Variants in EDDM13 observed in about 807,000 individuals in gnomAD.
EDDM13 encodes the protein epididymal protein 13.
A neutral mutation model predicts 17.8 loss-of-function variants in EDDM13; 24 were observed. The observed-to-expected ratio is 1.35, with a 90% confidence interval of 0.98 to 1.90. The LOEUF is 1.90. Ranked by LOEUF, EDDM13 falls within the 40% of genes most tolerant of loss-of-function variation. The pLI, the probability that EDDM13 is intolerant of heterozygous loss-of-function variation, is 0.00. For synonymous variants in EDDM13, 31 were observed against 37.5 expected (o/e 0.83, Z 0.63); for missense variants, 97 against 100.8 (o/e 0.96, Z 0.16).
intron 7 of EDDM13, among the ~76,000 whole-genome samples, 139 bp from the exon 8 acceptor site, chr19:56,288,735 T>C (rs867281251): frequency 1.2e-4 from 18 of 152,308 alleles, no homozygotes; most frequent in African/African-American, 4.3e-4. Context: ...TCATCTCCAG[T>C]AGCATTTCCA....
At chr19:56,304,335 G>C (rs1366751554) in intron 13 of EDDM13, among the ~76,000 whole-genome samples, 1 of 152,234 alleles carries the variant, frequency 6.6e-6, no homozygotes, top group Non-Finnish European at 1.5e-5. Flanking sequence ...TAGTGGTTCT[G>C]AAACGGGGGT....
chr19:56,297,476 C>A, intron 11 of EDDM13, 29 bp from the exon 12 acceptor site: 1 of 973,806 alleles, frequency 1.0e-6, no homozygotes, highest in Non-Finnish European at 1.2e-6. Flanking sequence ...CTTCCTGCTT[C>A]TTTTTCTCCT....
chr19:56,294,652 T>C (rs918170332), intron 9 of EDDM13, among the ~76,000 whole-genome samples: 2 of 152,158 alleles, frequency 1.3e-5, no homozygotes, highest in Non-Finnish European at 2.9e-5. Flanking sequence ...AATAAAACTT[T>C]ATTTACAAAA....
At chr19:56,302,537 TCCTCCCCGTTCCTCCCTC>T (rs1411515761) in intron 13 of EDDM13, among the ~76,000 whole-genome samples, 4 of 49,280 alleles carry the variant, frequency 8.1e-5, no homozygotes, top group Non-Finnish European at 1.8e-4. Context: ...TCCCTCTTCT[TCCTCCCCGTTCCTCCCTC>T]CCTCCCCCCT....
intron 9 of EDDM13, among the ~76,000 whole-genome samples, chr19:56,291,271 C>A (rs182479518): frequency 2.0e-5 from 3 of 152,290 alleles, no homozygotes; most frequent in African/African-American, 7.2e-5. Context: ...TGAGAGAGAA[C>A]CCTGGAGACT....
intron 2 of EDDM13, among the ~76,000 whole-genome samples, chr19:56,278,568 A>G (rs1211737338): frequency 2.0e-5 from 3 of 152,236 alleles, no homozygotes; most frequent in African/African-American, 7.2e-5. Context: ...ATACATATAG[A>G]TACATATATA....
intron 9 of EDDM13, among the ~76,000 whole-genome samples, chr19:56,293,717 G>A (rs563036954): frequency 3.3e-5 from 5 of 152,296 alleles, no homozygotes; most frequent in Middle Eastern, 3.4e-3. Flanking sequence ...CCCCTCAGGG[G>A]ACACCTGGCA....
chr19:56,288,266 C>T (rs1014704774), intron 6 of EDDM13, among the ~76,000 whole-genome samples, 119 bp from the exon 7 acceptor site: 5 of 152,180 alleles, frequency 3.3e-5, no homozygotes, highest in African/African-American at 7.2e-5. Context: ...TTCAAGCCCC[C>T]GGCAGCTGCA....
chr19:56,302,631 T>C (rs1189548382), intron 13 of EDDM13, among the ~76,000 whole-genome samples: 5 of 112,214 alleles, frequency 4.5e-5, no homozygotes, highest in African/African-American at 7.3e-5. Flanking sequence ...CCCTCCCTCC[T>C]CCTCCCTTCC....
intron 14 of EDDM13, 123 bp downstream of exon 14, chr19:56,304,953 A>G (rs535681126): frequency 4.3e-6 from 1 of 233,386 alleles, no homozygotes; most frequent in Non-Finnish European, 7.0e-6. Flanking sequence ...AATCATAGAA[A>G]CCCAGAATTC....
At chr19:56,297,909 G>A (rs919989470) in intron 12 of EDDM13, 1 of 152,100 alleles carries the variant, frequency 6.6e-6, no homozygotes, top group African/African-American at 2.4e-5. Context: ...TGGTGGAGAT[G>A]AGCGTTTTAA....
intron 9 of EDDM13, among the ~76,000 whole-genome samples, chr19:56,292,866 G>A (rs2039611614): frequency 6.6e-6 from 1 of 152,212 alleles, no homozygotes; most frequent in South Asian, 2.1e-4. Context: ...TGTCCTCAAG[G>A]TTCAGCCACA....
At position 56,282,351 on chromosome 19, in the gene EDDM13, C is replaced by A. The variant is rs930686648; in HGVS notation, c.110-140C>A. ...GCAGCTCCCCATTCTGGTTCCCTAACCTATCTCAGGACCTATGGGGTGCAA... is the reference window on the plus strand; with the variant it reads ...GCAGCTCCCCATTCTGGTTCCCTAAACTATCTCAGGACCTATGGGGTGCAA... On this transcript the variant is annotated intron_variant, in intron 3 of 14. Transcript: ENST00000649256. 1.0e-5 allele frequency: 3 copies of A among 299,486 alleles called. No homozygotes were observed. In the South Asian group the frequency reaches 3.9e-4, roughly 39 times the overall value. The allele number at this position is 299,486 out of a possible 1,614,324, so 18.6% of individuals were successfully genotyped here. A position where few individuals can be genotyped will look rare whatever the true frequency, so the allele number is the denominator to read the frequency against.
chr19:56,288,209 C>A (rs573297416), intron 6 of EDDM13, among the ~76,000 whole-genome samples, 176 bp from the exon 7 acceptor site: 6 of 152,308 alleles, frequency 3.9e-5, no homozygotes, highest in African/African-American at 1.4e-4. Context: ...TCTCCAGCCA[C>A]GTCTTGTACC....
At chr19:56,293,455 G>A (rs2039652570) in intron 9 of EDDM13, among the ~76,000 whole-genome samples, 1 of 152,202 alleles carries the variant, frequency 6.6e-6, no homozygotes, top group Non-Finnish European at 1.5e-5. Flanking sequence ...CATTATAATT[G>A]TATGTTGTAT....
chr19:56,292,543 C>G lies in EDDM13; in HGVS notation c.232+1697C>G, dbSNP rs576308571. On this transcript the variant is annotated intron_variant, in intron 9 of 14. Transcript: ENST00000649256. ...GCTCAAGCAATCCTCCTACCTCAGC[C>G]TCCCAAAGCACTGGGATCACAGGCA... 2.0e-5 allele frequency among the ~76,000 whole-genome samples: 3 copies of G among 151,798 alleles called. No individual in the cohort carries two copies. In the South Asian group the frequency reaches 6.2e-4, roughly 32 times the overall value.
At chr19:56,304,583 C>T (rs984864350) in intron 13 of EDDM13, among the ~76,000 whole-genome samples, 2 of 151,978 alleles carry the variant, frequency 1.3e-5, no homozygotes, top group African/African-American at 4.8e-5. Flanking sequence ...GGAGAACTGG[C>T]TGGAAGATGG....
chr19:56,287,497 A>C (rs73622808), intron 6 of EDDM13, among the ~76,000 whole-genome samples: 4,517 of 151,788 alleles, frequency 0.03, 217 homozygotes, highest in African/African-American at 0.1. Context: ...CCATCCCCCC[A>C]AGTCCACCTA....
chr19:56,305,403 C>A (rs1470491054), intron 14 of EDDM13, among the ~76,000 whole-genome samples: 3 of 152,172 alleles, frequency 2.0e-5, no homozygotes, highest in Admixed American at 1.3e-4. Flanking sequence ...TCATGGTATA[C>A]CTTGTATCAG....
Sources: gnomAD v4.1 joint callset for allele counts (sites outside exome capture counted in the v4.1 genomes callset) on GRCh38, gnomAD v4.1.1 for gene constraint, MANE v1.5 for transcripts, NCBI Gene and HGNC (gene_info 2026-07-23, HGNC 2026-07-21) for gene names.